The following ARMC2 variants were observed in gnomAD, a reference collection of about 807,000 sequenced individuals.
ARMC2 encodes the protein armadillo repeat containing 2.
ARMC2 carries 67 observed loss-of-function variants against 90.3 expected under a neutral mutation model. The observed-to-expected ratio is 0.74, with a 90% CI of 0.61 to 0.91. The LOEUF (loss-of-function observed/expected upper bound fraction) is 0.91. Ranked by LOEUF, ARMC2 falls within the 40% of genes least tolerant of loss-of-function variation. ARMC2 has a pLI of 0.00. For synonymous variants in ARMC2, 393 were observed against 393.0 expected, an observed-to-expected ratio of 1.00 and a Z score of 0.00; for missense variants, 920 against 1,030.9, an observed-to-expected ratio of 0.89 and a Z score of 1.47.
At chr6:108,934,795 A>C (rs1262295088) in intron 11 of ARMC2, among the ~76,000 whole-genome samples, 1 of 152,192 alleles carries the variant, frequency 6.6e-6, no homozygotes, top group Non-Finnish European at 1.5e-5. Flanking sequence ...TGCTCCAACT[A>C]TTCTCTTATT....
chr6:108,952,942 T>A (rs1777290905), intron 12 of ARMC2, 91 bp from the exon 13 acceptor site: 2 of 1,215,164 alleles, frequency 1.6e-6, no homozygotes, highest in African/African-American at 1.5e-5. Flanking sequence ...TTACTATTAA[T>A]GCAATTGTGA....
chr6:108,927,265 C>G (rs1775180552), intron 10 of ARMC2, among the ~76,000 whole-genome samples: 1 of 152,108 alleles, frequency 6.6e-6, no homozygotes, highest in South Asian at 2.1e-4. Context: ...GGCAGCGATG[C>G]CATTCACACA....
chr6:108,925,038 C>G (rs1460824160), intron 10 of ARMC2, among the ~76,000 whole-genome samples: 41 of 152,080 alleles, frequency 2.7e-4, no homozygotes, highest in Admixed American at 2.7e-3. Context: ...TGGTCCCCTT[C>G]CAGAGAGTTC....
At chr6:109,039,594 C>T in the ARMC2 span, among the ~76,000 whole-genome samples, 1 of 152,206 alleles carries the variant, frequency 6.6e-6, no homozygotes, top group South Asian at 2.1e-4. Context: ...ACTAAAACAT[C>T]TCAAGTGGAG....
intron 13 of ARMC2, among the ~76,000 whole-genome samples, chr6:108,956,332 A>G (rs1472748665): frequency 2.0e-5 from 3 of 152,246 alleles, no homozygotes; most frequent in Non-Finnish European, 4.4e-5. Flanking sequence ...TAGAAATTAC[A>G]TTTCTACCTA....
At chr6:108,965,243 AT>A in intron 17 of ARMC2, 103 bp downstream of exon 17, 1 of 1,024,020 alleles carries the variant, frequency 9.8e-7, no homozygotes, top group South Asian at 2.1e-5. Context: ...TTAGGTGACT[AT>A]ATTTCTATAA....
At chr6:108,984,812 G>C in the ARMC2 span, among the ~76,000 whole-genome samples, 2 of 152,164 alleles carry the variant, frequency 1.3e-5, no homozygotes, top group Non-Finnish European at 2.9e-5. Flanking sequence ...CCTCTGCTGG[G>C]GAAGAGCTAG....
chr6:108,915,074 TC>T (rs1773814151), intron 10 of ARMC2, among the ~76,000 whole-genome samples: 1 of 152,004 alleles, frequency 6.6e-6, no homozygotes, highest in South Asian at 2.1e-4. Context: ...TGCCTCAGCC[TC>T]CTGAGTAGCT....
the ARMC2 span, chr6:109,001,589 T>C: frequency 1.9e-6 from 2 of 1,042,910 alleles, no homozygotes; most frequent in Non-Finnish European, 2.8e-6. Context: ...AGAAGCAGAT[T>C]AAATCTGGCT....
chr6:108,993,833 G>A, the ARMC2 span, among the ~76,000 whole-genome samples: 1 of 151,972 alleles, frequency 6.6e-6, no homozygotes, highest in Non-Finnish European at 1.5e-5. Flanking sequence ...TTCCACCTCA[G>A]CTTCTTGAGT....
intron 10 of ARMC2, among the ~76,000 whole-genome samples, chr6:108,922,646 T>A (rs933821239): frequency 4.6e-5 from 7 of 152,332 alleles, no homozygotes; most frequent in East Asian, 3.9e-4. Flanking sequence ...TTTTTCCCTT[T>A]AAAATGGGTC....
Position 108,953,082 on chromosome 6 carries a change from A to G in ARMC2, c.1646A>G (p.Asn549Ser). Reference sequence around the variant, plus strand: ...ATTCTTGGCAACCTGACGGCAAAAAATAACCAGGCTCGTGAACAATTTTCC... The same window carrying G: ...ATTCTTGGCAACCTGACGGCAAAAAGTAACCAGGCTCGTGAACAATTTTCC... ...VFILGNLTAKNNQAREQFSKE... is the reference protein window; with the variant it reads ...VFILGNLTAKSNQAREQFSKE... The change falls in exon 13 of 18, where the codon AAT becomes AGT. Residue 549 changes from asparagine to serine, a missense_variant. Asn to Ser is a conservative substitution (Grantham distance 46). Coordinates refer to ENST00000392644, the MANE Select transcript of ARMC2 (RefSeq NM_032131.6). 2 of 1,613,640 alleles carry G rather than the reference A, an allele frequency of 1.2e-6. No homozygotes were observed. The highest frequency in any genetic ancestry group is 1.7e-6 in the Non-Finnish European group (2 of 1,179,742).
At chr6:108,970,463 T>C (rs1436338410) in intron 17 of ARMC2, among the ~76,000 whole-genome samples, 2 of 151,672 alleles carry the variant, frequency 1.3e-5, no homozygotes, top group Admixed American at 1.3e-4. Context: ...AGAATGCATT[T>C]TCTTTCTTTC....
chr6:109,034,490 T>G, the ARMC2 span, among the ~76,000 whole-genome samples: 5 of 152,200 alleles, frequency 3.3e-5, no homozygotes, highest in Non-Finnish European at 7.3e-5. Flanking sequence ...TCAAGAAAAT[T>G]TACTGATCAG....
the ARMC2 span, chr6:109,009,523 C>G: frequency 8.4e-7 from 1 of 1,187,174 alleles, no homozygotes; most frequent in South Asian, 4.1e-5. Context: ...GGCCGCGGCT[C>G]CTGGCTGCAG....
At chr6:108,871,278 A>G (rs1386321644) in intron 4 of ARMC2, among the ~76,000 whole-genome samples, 1 of 152,122 alleles carries the variant, frequency 6.6e-6, no homozygotes, top group East Asian at 1.9e-4. Context: ...TAGTGAAAAG[A>G]TAGGGTTTAC....
At chr6:108,866,436 A>G (rs1272510276) in intron 3 of ARMC2, among the ~76,000 whole-genome samples, 1 of 152,208 alleles carries the variant, frequency 6.6e-6, no homozygotes, top group Non-Finnish European at 1.5e-5. Flanking sequence ...TCAGAATCCA[A>G]TATCTTAATT....
chr6:108,915,004 G>A (rs1007016173), intron 10 of ARMC2, among the ~76,000 whole-genome samples: 3 of 151,576 alleles, frequency 2.0e-5, no homozygotes, highest in Non-Finnish European at 4.4e-5. Context: ...CCAGGTTGGA[G>A]TGCAATGGTG....
chr6:108,935,075 T>C (rs1398908048), intron 11 of ARMC2, among the ~76,000 whole-genome samples: 1 of 152,206 alleles, frequency 6.6e-6, no homozygotes, highest in Non-Finnish European at 1.5e-5. Context: ...GTTGAAACCG[T>C]ATCCTGGCTC....
Sources: allele counts gnomAD v4.1 joint callset (sites outside exome capture counted in the v4.1 genomes callset), GRCh38; gene constraint gnomAD v4.1.1; transcripts MANE v1.5; gene names NCBI Gene and HGNC (gene_info 2026-07-23, HGNC 2026-07-21).